Variants in CNIH3 observed in about 807,000 individuals in gnomAD.
CNIH3 encodes the protein protein cornichon homolog 3.
In CNIH3, 14 loss-of-function variants were observed where a neutral mutation model predicts 24.1. That is an observed-to-expected ratio of 0.58 (90% CI 0.38 to 0.91). The LOEUF (loss-of-function observed/expected upper bound fraction) is 0.91, where lower values mean the gene tolerates loss of function less well. Ranked by LOEUF, CNIH3 falls within the 40% of genes least tolerant of loss-of-function variation. The pLI is 0.00. For synonymous variants in CNIH3, 68 were observed against 73.8 expected (o/e 0.92, Z 0.40); for missense variants, 178 against 196.8 (o/e 0.90, Z 0.57).
chr1:224,592,522 T>C (rs552753536), downstream of CNIH3, among the ~76,000 whole-genome samples: 1 of 152,262 alleles, frequency 6.6e-6, no homozygotes, highest in South Asian at 2.1e-4. Context: ...GAAACAGTAA[T>C]GAAAAATGGC....
Position 224,510,596 on chromosome 1 carries a change from C to CAAAA in CNIH3, n.204-5136_204-5133dup, listed in dbSNP as rs777592587. On this transcript the variant is annotated intron_variant and non_coding_transcript_variant, in intron 1 of 5. Coordinates refer to the CNIH3 transcript ENST00000471578. ...TGGGCAACAGAACAGGACCCTGTCTCAAAAAAAAAAAACAAAAAAAAAACA... is the reference window on the plus strand; with the variant it reads ...TGGGCAACAGAACAGGACCCTGTCTCAAAAAAAAAAAAAAAACAAAAAAAAAACA... 2.1e-3 allele frequency among the ~76,000 whole-genome samples: 194 copies of CAAAA among 93,914 alleles called. 2 individuals carry two copies. The highest frequency in any genetic ancestry group is 5.6e-3 in the African/African-American group (171 of 30,624). 61.6% of individuals were successfully genotyped at this position (93,914 alleles called of 152,430 possible). A position where few individuals can be genotyped will look rare whatever the true frequency, so the allele number is the denominator to read the frequency against.
At chr1:224,435,232 TC>T (rs1674595970) in intron 1 of CNIH3, 1 of 985,314 alleles carries the variant, frequency 1.0e-6, no homozygotes, top group Non-Finnish European at 1.2e-6. Context: ...GGCAGGAACT[TC>T]CAGGCACAGG....
At chr1:224,461,017 T>C (rs564077109) in intron 1 of CNIH3, among the ~76,000 whole-genome samples, 18 of 151,538 alleles carry the variant, frequency 1.2e-4, no homozygotes, top group Non-Finnish European at 1.5e-4. Context: ...CTTTTTTTTT[T>C]TTTGAGATGG....
At chr1:224,555,051 G>C (rs1289953032) in intron 3 of CNIH3, among the ~76,000 whole-genome samples, 1 of 152,142 alleles carries the variant, frequency 6.6e-6, no homozygotes, top group Non-Finnish European at 1.5e-5. Context: ...GGGGGTAGTA[G>C]GGGAGGTGGT....
At chr1:224,470,081 C>T (rs1300683910) in intron 1 of CNIH3, among the ~76,000 whole-genome samples, 8 of 151,064 alleles carry the variant, frequency 5.3e-5, no homozygotes, top group African/African-American at 1.7e-4. Flanking sequence ...TTCAGTGGCG[C>T]GATCTCGGCT....
At chr1:224,491,615 A>T (rs1417766380) in intron 1 of CNIH3, among the ~76,000 whole-genome samples, 1 of 151,234 alleles carries the variant, frequency 6.6e-6, no homozygotes, top group Non-Finnish European at 1.5e-5. Context: ...TTATTTATTT[A>T]TTTTTTTTGA....
chr1:224,471,130 C>G (rs1425876114), intron 1 of CNIH3, among the ~76,000 whole-genome samples: 3 of 152,110 alleles, frequency 2.0e-5, no homozygotes, highest in Non-Finnish European at 4.4e-5. Flanking sequence ...TCACTGCAAG[C>G]TGGGTTCAAG....
chr1:224,575,538 G>A (rs1681001118), intron 4 of CNIH3: 1 of 483,092 alleles, frequency 2.1e-6, no homozygotes, highest in South Asian at 2.3e-5. Context: ...CTAGCTTGAT[G>A]TTGGATCTGA....
downstream of CNIH3, among the ~76,000 whole-genome samples, chr1:224,540,694 G>C (rs916328281): frequency 1.3e-5 from 2 of 152,136 alleles, no homozygotes; most frequent in African/African-American, 4.8e-5. Context: ...AATTTGTAAT[G>C]ACAGCTTAAG....
At chr1:224,471,871 T>C (rs1331315044) in intron 1 of CNIH3, among the ~76,000 whole-genome samples, 1 of 152,200 alleles carries the variant, frequency 6.6e-6, no homozygotes, top group African/African-American at 2.4e-5. Flanking sequence ...ATTACAGGTG[T>C]GAGCCACCGT....
intron 1 of CNIH3, among the ~76,000 whole-genome samples, chr1:224,503,289 G>C (rs928219218): frequency 2.0e-5 from 3 of 152,190 alleles, no homozygotes; most frequent in African/African-American, 7.2e-5. Context: ...AGCCAGGACC[G>C]CAGAGTGTTC....
intron 1 of CNIH3, among the ~76,000 whole-genome samples, chr1:224,640,634 G>C (rs1684311120): frequency 6.6e-6 from 1 of 152,222 alleles, no homozygotes; most frequent in African/African-American, 2.4e-5. Context: ...TCTGTGCCCA[G>C]TGTCTGTGCA....
chr1:224,560,709 A>G (rs1214769840), intron 3 of CNIH3, among the ~76,000 whole-genome samples: 1 of 151,948 alleles, frequency 6.6e-6, no homozygotes, highest in Non-Finnish European at 1.5e-5. Flanking sequence ...AGTTGCAGGA[A>G]AAGAAGCTCA....
At chr1:224,666,916 T>C (rs1685623986) in intron 1 of CNIH3, among the ~76,000 whole-genome samples, 1 of 152,208 alleles carries the variant, frequency 6.6e-6, no homozygotes, top group African/African-American at 2.4e-5. Flanking sequence ...CCTGCTGAGA[T>C]TGTGGTCTCT....
intron 1 of CNIH3, among the ~76,000 whole-genome samples, chr1:224,644,258 T>C (rs1229116071): frequency 6.6e-6 from 1 of 152,224 alleles, no homozygotes; most frequent in Non-Finnish European, 1.5e-5. Flanking sequence ...TCTTCCAGGC[T>C]GGAGTGCAGT....
intron 1 of CNIH3, among the ~76,000 whole-genome samples, chr1:224,495,293 A>G (rs1277951783): frequency 6.6e-6 from 1 of 152,214 alleles, no homozygotes; most frequent in Non-Finnish European, 1.5e-5. Flanking sequence ...GCAGAAGGAG[A>G]GGGTCCCAGG....
chr1:224,632,022 A>T (rs558487057), intron 1 of CNIH3, among the ~76,000 whole-genome samples: 2 of 152,316 alleles, frequency 1.3e-5, no homozygotes, highest in African/African-American at 4.8e-5. Flanking sequence ...AGTTGTGGCT[A>T]TGGAAATAGC....
chr1:224,616,022 T>A (rs1452148622), upstream of CNIH3: 3 of 152,450 alleles, frequency 2.0e-5, no homozygotes, highest in African/African-American at 7.3e-5. Flanking sequence ...GCTTCCCACC[T>A]CCTCCAGACG....
At chr1:224,530,671 C>G (rs1679028094) in intron 2 of CNIH3, among the ~76,000 whole-genome samples, 1 of 151,782 alleles carries the variant, frequency 6.6e-6, no homozygotes, top group Non-Finnish European at 1.5e-5. Context: ...ATGATCTTGG[C>G]TCACTGCAAC....
Sources: allele counts gnomAD v4.1 joint callset (sites outside exome capture counted in the v4.1 genomes callset), GRCh38; gene constraint gnomAD v4.1.1; transcripts MANE v1.5; gene names NCBI Gene and HGNC (gene_info 2026-07-23, HGNC 2026-07-21).